Variants in CAMSAP3 observed in about 807,000 individuals in gnomAD.
CAMSAP3 encodes calmodulin regulated spectrin associated protein family member 3, also known as calmodulin-regulated spectrin-associated protein 3.
A neutral mutation model predicts 112.5 loss-of-function variants in CAMSAP3; 34 were observed. The ratio of observed to expected loss-of-function variants is 0.30; its 90% CI spans 0.23 to 0.40. The LOEUF is 0.40. Ranked by LOEUF, CAMSAP3 falls within the 10% of genes least tolerant of loss-of-function variation. The pLI, the probability that CAMSAP3 is intolerant of heterozygous loss-of-function variation, is 1.00. For missense variants in CAMSAP3, 1,602 were observed against 1,770.3 expected (o/e 0.90, Z 1.71); for synonymous variants, 868 against 799.8 (o/e 1.09, Z -1.44).
chr19:7,612,594 C>A lies in CAMSAP3; in HGVS notation c.2101C>A (p.Arg701=). 1 of 1,532,476 alleles carries A rather than the reference C, an allele frequency of 6.5e-7. No homozygotes were observed. Among genetic ancestry groups the A allele is most frequent in the Middle Eastern group, 1.7e-4 (1 of 5,972 alleles). The allele number at this position is 1,532,476 out of a possible 1,614,324, so 94.9% of individuals were successfully genotyped here. A position where few individuals can be genotyped will look rare whatever the true frequency, so the allele number is the denominator to read the frequency against. ...VPHEGLGEYN[R]AVSKLSAALS... ...CCACGAGGGGCTGGGGGAATACAAT[C>A]GAGCGGTCAGCAAGCTGAGTGCCGC... Residue 701 remains arginine (R), a synonymous_variant, in exon 11 of 17, where the codon CGA becomes AGA. Coordinates refer to ENST00000160298, the MANE Select transcript of CAMSAP3 (RefSeq NM_020902.2).
intron 1 of CAMSAP3, among the ~76,000 whole-genome samples, chr19:7,602,743 G>T (rs1170700660): frequency 6.6e-6 from 1 of 151,932 alleles, no homozygotes; most frequent in Non-Finnish European, 1.5e-5. Flanking sequence ...GGGTGGCCTG[G>T]GGTGGGGGTG....
At chr19:7,614,265 A>AAAAAAAAAAAAAAAAAAAAAAAC (rs2030660871) in intron 11 of CAMSAP3, among the ~76,000 whole-genome samples, 1 of 147,044 alleles carries the variant, frequency 6.8e-6, no homozygotes, top group African/African-American at 2.5e-5. Context: ...ATCTCAAAAA[A>AAAAAAAAAAAAAAAAAAAAAAAC]AAAAAAAAAA....
rs970644773 is a variant in CAMSAP3 at position 7,611,667 on chromosome 19, C to A, written c.1194-20C>A. On this transcript the variant is annotated intron_variant, in intron 10 of 16. Transcript: ENST00000160298. This position sits in a 1 kb window ranked among gnomAD's most constrained non-coding sequence, Gnocchi z 6.9. ...GCCGAGGCTGGTCCCAGGGGCTGAC[C>A]CCTCCCTCCGGCCGCCCAGCCGTCC... The A allele has an allele frequency of 3.2e-6, 5 of 1,569,358 alleles. No individual in the cohort carries two copies. The African/African-American group carries it at 6.8e-5, about 21-fold the overall frequency.
intron 2 of CAMSAP3, 67 bp from the exon 3 acceptor site, chr19:7,606,204 G>T (rs1385859875): frequency 7.4e-7 from 1 of 1,351,500 alleles, no homozygotes; most frequent in East Asian, 4.7e-5. Flanking sequence ...CTTTTCCCAG[G>T]CCCTTGGGGG....
rs1224029369 is a variant in CAMSAP3 at position 7,613,130 on chromosome 19, G to A, written c.2637G>A (p.Gly879=). 6.5e-7 allele frequency: 1 copy of A among 1,543,374 alleles called. No homozygotes were observed. The highest frequency in any genetic ancestry group is 2.0e-5 in the Admixed American group (1 of 50,774). The change falls in exon 11 of 17, where the codon GGG becomes GGA. Residue 879 remains glycine, a synonymous_variant. Coordinates refer to ENST00000160298, the MANE Select transcript of CAMSAP3 (RefSeq NM_020902.2). ...DSLEEEASSE[G]EPRVGLGFFY... is the part of the protein sequence containing the mutation. ...TGGAGGAGGAGGCGTCTTCGGAGGG[G>A]GAGCCCCGGGTGGGGCTGGGGTTCT... is the stretch of plus-strand genomic sequence containing the variant.
rs775476781 is a variant in CAMSAP3, at chr19:7,612,855, G to C, written c.2362G>C (p.Glu788Gln). ...CAGCCCGAAACACACGCGGCCAGCGGAGCTGCGGCTGGCACCCTTGACCAG... is the reference window on the plus strand; with the variant it reads ...CAGCCCGAAACACACGCGGCCAGCGCAGCTGCGGCTGGCACCCTTGACCAG... ...PRSPKHTRPA[E>Q]LRLAPLTRVL... Residue 788 changes from glutamate (E) to glutamine (Q), a missense_variant, in exon 11 of 17, where the codon GAG becomes CAG. Physicochemically the swap from Glu to Gln is conservative, Grantham distance 29 (BLOSUM62 2). Transcript: ENST00000160298. 30 of 1,597,072 alleles carry C rather than the reference G, an allele frequency of 1.9e-5. No individual in the cohort carries two copies. Among genetic ancestry groups the C allele is most frequent in the Non-Finnish European group, 2.4e-5 (28 of 1,173,604 alleles).
In CAMSAP3 at chr19:7,610,639, G is replaced by A. The variant is rs759513788; in HGVS notation, c.900+24G>A. 1.1e-5 allele frequency: 17 copies of A among 1,613,592 alleles called. No individual in the cohort carries two copies. The Admixed American group carries it at 1.7e-4, about 16-fold the overall frequency. On this transcript the variant is annotated intron_variant, in intron 6 of 16. Coordinates refer to ENST00000160298, the MANE Select transcript of CAMSAP3 (RefSeq NM_020902.2). The surrounding 1 kb of genome is among the most constrained non-coding windows in gnomAD (Gnocchi z 4.9). Reference sequence around the variant, plus strand: ...AGGTAAGGCCATCCTGGGGCCTCCTGGGCCGAGGCGGGCATCTGGGGCCAG... The same window carrying A: ...AGGTAAGGCCATCCTGGGGCCTCCTAGGCCGAGGCGGGCATCTGGGGCCAG...
rs769529902 is a variant in CAMSAP3 at position 7,610,516 on chromosome 19, G to A, written c.801G>A (p.Leu267=). The A allele has an allele frequency of 1.3e-5, 21 of 1,613,604 alleles. 1 individual carries two copies. In the South Asian group the frequency reaches 1.6e-4, roughly 13 times the overall value. Residue 267 remains leucine (L), a synonymous_variant, in exon 6 of 17, where the codon CTG becomes CTA. Transcript: ENST00000160298. The surrounding 1 kb of genome is among the most constrained non-coding windows in gnomAD (Gnocchi z 4.9). ...ACCCCATGTCTGTGGCGGACAGCCT[G>A]TACAACCTCCAGCTCGTGCAGGATT... The part of the protein sequence containing the change: ...LKDPMSVADS[L]YNLQLVQDFC...
chr19:7,614,032 C>T (rs1349807392), intron 11 of CAMSAP3, among the ~76,000 whole-genome samples: 1 of 152,042 alleles, frequency 6.6e-6, no homozygotes, highest in African/African-American at 2.4e-5. Context: ...GAGGCCAAGG[C>T]AGGCGGATCA....
rs1367688963 is a variant in CAMSAP3 at position 7,617,458 on chromosome 19, G to A, written c.3325+20G>A. 2.5e-6 allele frequency: 4 copies of A among 1,611,286 alleles called. No individual in the cohort carries two copies. The highest frequency in any genetic ancestry group is 3.4e-6 in the Non-Finnish European group (4 of 1,177,522). Reference sequence around the variant, plus strand: ...ACACAGGTAAGCAGGGGCTCTGGGTGATGTGAGGAGCAACAGGCACCCTCC... The same window carrying A: ...ACACAGGTAAGCAGGGGCTCTGGGTAATGTGAGGAGCAACAGGCACCCTCC... On this transcript the variant is annotated intron_variant, in intron 15 of 16. Coordinates refer to ENST00000160298, the MANE Select transcript of CAMSAP3 (RefSeq NM_020902.2). The surrounding 1 kb of genome is among the most constrained non-coding windows in gnomAD (Gnocchi z 7.5).
intron 4 of CAMSAP3, 123 bp downstream of exon 4, chr19:7,606,694 TC>T: frequency 6.3e-7 from 1 of 1,587,480 alleles, no homozygotes; most frequent in Non-Finnish European, 8.6e-7. Flanking sequence ...CTCTCTTTCT[TC>T]CCCCCTCTCT....
chr19:7,617,429 G>A lies in CAMSAP3; in HGVS notation c.3316G>A (p.Glu1106Lys), dbSNP rs760993618. ...TGCCTCCTCCCCAGCGTCAGTGCCC[G>A]AGTACACAGGTAAGCAGGGGCTCTG... ...SNASSPASVP[E>K]YTGPRLYKEP... is the part of the protein sequence containing the mutation. Residue 1106 changes from glutamate (E) to lysine (K), a missense_variant, in exon 15 of 17, where the codon GAG (glutamate) becomes AAG (lysine). Physicochemically the swap from Glu to Lys is moderately conservative, Grantham distance 56 (BLOSUM62 1). Transcript: ENST00000160298. This position sits in a 1 kb window ranked among gnomAD's most constrained non-coding sequence, Gnocchi z 7.5. 6 of 1,613,684 alleles carry A rather than the reference G, an allele frequency of 3.7e-6. No individual in the cohort carries two copies. Among genetic ancestry groups the A allele is most frequent in the African/African-American group, 1.3e-5 (1 of 74,890 alleles).
rs1350289945 is a variant in CAMSAP3, at chr19:7,618,036, G to A, written c.3729G>A (p.Lys1243=). The A allele has an allele frequency of 3.1e-6, 5 of 1,612,936 alleles. No individual in the cohort carries two copies. The highest frequency in any genetic ancestry group is 4.2e-6 in the Non-Finnish European group (5 of 1,179,366). Reference sequence around the variant, plus strand: ...GCAAGAAACCCACCACTCCCAAGAAGGGCGGCGGCACCCCCAAATAGCCCC... The same window carrying A: ...GCAAGAAACCCACCACTCCCAAGAAAGGCGGCGGCACCCCCAAATAGCCCC... ...WQGKKPTTPK[K]GGGTPK Residue 1243 remains lysine (K), a synonymous_variant, in exon 17 of 17, where the codon AAG becomes AAA. Transcript: ENST00000160298.
At position 7,617,221 on chromosome 19, in the gene CAMSAP3, C is replaced by T; in HGVS notation, c.3213-105C>T. ...CATGAGCCACGATGCCCAGCCGTGG[C>T]CCTTATTTTCCTTGGCCCCTCTGCA... is the stretch of plus-strand genomic sequence containing the variant. On this transcript the variant is annotated intron_variant, in intron 14 of 16. Transcript: ENST00000160298. This position sits in a 1 kb window ranked among gnomAD's most constrained non-coding sequence, Gnocchi z 7.5. The T allele has an allele frequency of 1.3e-6, 1 of 784,216 alleles. No homozygotes were observed. Among genetic ancestry groups the T allele is most frequent in the Non-Finnish European group, 2.3e-6 (1 of 442,632 alleles). 48.6% of individuals were successfully genotyped at this position (784,216 alleles called of 1,614,324 possible). A position where few individuals can be genotyped will look rare whatever the true frequency, so the allele number is the denominator to read the frequency against.
Position 7,610,742 on chromosome 19 carries a change from G to C in CAMSAP3, c.943G>C (p.Glu315Gln). 6.2e-7 allele frequency: 1 copy of C among 1,614,050 alleles called. No individual in the cohort carries two copies. Among genetic ancestry groups the C allele is most frequent in the Non-Finnish European group, 8.5e-7 (1 of 1,180,016 alleles). Residue 315 changes from glutamate to glutamine, a missense_variant, in exon 7 of 17, where the codon GAG becomes CAG. Physicochemically the swap from Glu to Gln is conservative, Grantham distance 29 (BLOSUM62 2). Around this residue, in one of 6 missense-constraint regions of CAMSAP3, gnomAD observed 1,100 missense variants for 1,135.7 expected, o/e 0.97. Coordinates refer to ENST00000160298, the MANE Select transcript of CAMSAP3 (RefSeq NM_020902.2). The surrounding 1 kb of genome is among the most constrained non-coding windows in gnomAD (Gnocchi z 4.9). ...VMLAELFMCF[E>Q]VLKPDFVQVK... The stretch of plus-strand genomic sequence containing the variant: ...GCTGGCCGAGTTGTTCATGTGTTTT[G>C]AGGTGCTCAAGCCCGACTTTGTGCA...
chr19:7,598,652 A>G (rs577841105), intron 1 of CAMSAP3, among the ~76,000 whole-genome samples: 1 of 152,240 alleles, frequency 6.6e-6, no homozygotes, highest in African/African-American at 2.4e-5. Flanking sequence ...GCCGGGAATG[A>G]TGGCACACGT....
rs763850460 is a variant in CAMSAP3, at chr19:7,611,611, T to G, written c.1193+25T>G. 2.7e-5 allele frequency: 43 copies of G among 1,608,208 alleles called. No individual in the cohort carries two copies. The highest frequency in any genetic ancestry group is 1.5e-4 in the Admixed American group (9 of 59,398). ...GGTGAGTAGACCTCACAGGCCAGGG[T>G]AGGGGGTGGAGCAGGCTAGGGCGGG... On this transcript the variant is annotated intron_variant, in intron 10 of 16. Transcript: ENST00000160298. This position sits in a 1 kb window ranked among gnomAD's most constrained non-coding sequence, Gnocchi z 6.9.
At chr19:7,597,002 C>T (rs2024456810) in intron 1 of CAMSAP3, among the ~76,000 whole-genome samples, 2 of 152,194 alleles carry the variant, frequency 1.3e-5, no homozygotes, top group African/African-American at 4.8e-5. Flanking sequence ...CACTCAGTCT[C>T]GGCTTTGGGC....
chr19:7,614,246 C>T (rs867164187), intron 11 of CAMSAP3, among the ~76,000 whole-genome samples: 10 of 70,038 alleles, frequency 1.4e-4, no homozygotes, highest in Middle Eastern at 0.012. Context: ...GGCAACAGAG[C>T]GAGACTCCAT....
Sources: allele counts gnomAD v4.1 joint callset (sites outside exome capture counted in the v4.1 genomes callset), GRCh38; gene constraint gnomAD v4.1.1; regional missense constraint gnomAD v4.1.1; non-coding constraint Gnocchi (gnomAD v3.1); transcripts MANE v1.5; gene names NCBI Gene and HGNC (gene_info 2026-07-23, HGNC 2026-07-21).